The following LRP1B variants were observed in gnomAD, a reference collection of about 807,000 sequenced individuals.
LRP1B encodes LDL receptor related protein 1B.
A neutral mutation model predicts 556.6 loss-of-function variants in LRP1B; 217 were observed. That is an observed-to-expected ratio of 0.39 (90% CI 0.35 to 0.44). The LOEUF (loss-of-function observed/expected upper bound fraction) is 0.44, where lower values mean the gene tolerates loss of function less well. Among genes scored for constraint, LRP1B ranks in the 20% least tolerant of loss-of-function variants. LRP1B has a pLI of 1.00. For synonymous variants in LRP1B, 2,047 were observed against 1,865.8 expected (o/e 1.10, Z -2.50); for missense variants, 5,053 against 5,620.8 (o/e 0.90, Z 3.23).
intron 11 of LRP1B, 39 bp downstream of exon 11, chr2:141,048,947 C>T (rs1341474405): frequency 1.4e-6 from 2 of 1,452,588 alleles, no homozygotes; most frequent in Non-Finnish European, 1.9e-6. Flanking sequence ...AGTGCTTCAT[C>T]TCTGGGTAGT....
chr2:140,756,596 C>T (rs1688747878), intron 35 of LRP1B, among the ~76,000 whole-genome samples: 1 of 152,034 alleles, frequency 6.6e-6, no homozygotes, highest in African/African-American at 2.4e-5. Context: ...GTCTTTTATA[C>T]AAATGATACT....
intron 7 of LRP1B, among the ~76,000 whole-genome samples, chr2:141,140,544 T>C (rs1021196197): frequency 5.9e-5 from 9 of 152,006 alleles, no homozygotes; most frequent in African/African-American, 2.2e-4. Flanking sequence ...TCTAATACAA[T>C]AGAGCTGGTG....
At chr2:142,028,257 G>A (rs564711064) in intron 1 of LRP1B, among the ~76,000 whole-genome samples, 11 of 152,074 alleles carry the variant, frequency 7.2e-5, no homozygotes, top group Middle Eastern at 3.4e-3. Flanking sequence ...AATGCACAGA[G>A]TTGTGTTACT....
chr2:140,558,027 T>C (rs1286176694), intron 43 of LRP1B, among the ~76,000 whole-genome samples: 1 of 152,170 alleles, frequency 6.6e-6, no homozygotes. Context: ...AAGAATAAAG[T>C]GGTTAGTCAC....
At chr2:141,736,653 A>G (rs1693477679) in intron 2 of LRP1B, among the ~76,000 whole-genome samples, 1 of 152,156 alleles carries the variant, frequency 6.6e-6, no homozygotes, top group South Asian at 2.1e-4. Context: ...AGCAACGCAG[A>G]TGCCAACCTC....
chr2:141,545,520 G>C (rs888690637), intron 2 of LRP1B, among the ~76,000 whole-genome samples: 1 of 152,086 alleles, frequency 6.6e-6, no homozygotes, highest in Non-Finnish European at 1.5e-5. Context: ...GATTATCCAC[G>C]TGGGCCCAGT....
intron 41 of LRP1B, among the ~76,000 whole-genome samples, chr2:140,605,375 A>C (rs1213680570): frequency 6.6e-6 from 1 of 152,106 alleles, no homozygotes; most frequent in Non-Finnish European, 1.5e-5. Flanking sequence ...GGTCCAATTC[A>C]CTATCCAGAT....
chr2:140,683,706 A>G (rs2105382990), intron 41 of LRP1B: 2 of 732,212 alleles, frequency 2.7e-6, no homozygotes, highest in East Asian at 2.5e-5. Context: ...CTGGACTGTC[A>G]TTAGAGACAC....
intron 1 of LRP1B, among the ~76,000 whole-genome samples, chr2:142,049,998 A>C (rs1435035458): frequency 6.6e-6 from 1 of 152,144 alleles, no homozygotes; most frequent in Non-Finnish European, 1.5e-5. Context: ...TAAAGGTAAA[A>C]ACTTACATAG....
intron 1 of LRP1B, among the ~76,000 whole-genome samples, chr2:141,814,674 A>T (rs766497678): frequency 1.3e-5 from 2 of 152,226 alleles, no homozygotes; most frequent in Non-Finnish European, 2.9e-5. Flanking sequence ...CCATTTAAAA[A>T]ATATACTGAT....
At chr2:140,262,544 T>C (rs1004210028) in intron 86 of LRP1B, among the ~76,000 whole-genome samples, 7 of 152,202 alleles carry the variant, frequency 4.6e-5, no homozygotes, top group East Asian at 1.9e-4. Context: ...ATGTTTCTTC[T>C]TGTGGAATCA....
intron 43 of LRP1B, among the ~76,000 whole-genome samples, chr2:140,594,517 C>G (rs529310609): frequency 2.2e-4 from 34 of 152,244 alleles, no homozygotes; most frequent in African/African-American, 7.9e-4. Context: ...TTGGAAGACC[C>G]ACTTCATCAT....
At chr2:141,540,467 T>A (rs994110928) in intron 2 of LRP1B, among the ~76,000 whole-genome samples, 1 of 152,080 alleles carries the variant, frequency 6.6e-6, no homozygotes, top group African/African-American at 2.4e-5. Context: ...TTAGCCAATT[T>A]AAATTTTTGA....
intron 3 of LRP1B, among the ~76,000 whole-genome samples, chr2:141,366,582 G>A (rs1359815719): frequency 1.3e-5 from 2 of 152,008 alleles, no homozygotes; most frequent in African/African-American, 4.8e-5. Context: ...TAACTAAAAA[G>A]GCAAAAACAC....
intron 46 of LRP1B, among the ~76,000 whole-genome samples, chr2:140,535,913 G>A (rs992397284): frequency 6.6e-5 from 10 of 152,196 alleles, no homozygotes; most frequent in African/African-American, 2.4e-4. Context: ...ATGAGCCTTT[G>A]TACCAAAGGA....
chr2:140,421,467 G>A (rs546056898), intron 66 of LRP1B, among the ~76,000 whole-genome samples: 7 of 151,794 alleles, frequency 4.6e-5, no homozygotes, highest in Non-Finnish European at 1.0e-4. Context: ...TTTTCTTGCC[G>A]ACTCTAATTA....
intron 2 of LRP1B, among the ~76,000 whole-genome samples, chr2:141,600,103 G>A (rs190486056): frequency 5.3e-5 from 8 of 152,226 alleles, no homozygotes; most frequent in Non-Finnish European, 1.0e-4. Context: ...AAGTGAAAGC[G>A]AGTAGGTAGA....
chr2:141,672,163 G>A (rs756004576), intron 2 of LRP1B, among the ~76,000 whole-genome samples: 60 of 152,156 alleles, frequency 3.9e-4, no homozygotes, highest in African/African-American at 1.4e-3. Flanking sequence ...AATTTTCAAG[G>A]TTCCAAGTGT....
chr2:141,128,010 GA>G (rs1283536057), intron 7 of LRP1B, among the ~76,000 whole-genome samples: 1 of 152,102 alleles, frequency 6.6e-6, no homozygotes, highest in Non-Finnish European at 1.5e-5. Context: ...ATTTTTTAGA[GA>G]CATGTTTTTG....
Sources: gnomAD v4.1 joint callset for allele counts (sites outside exome capture counted in the v4.1 genomes callset) on GRCh38, gnomAD v4.1.1 for gene constraint, MANE v1.5 for transcripts, NCBI Gene and HGNC (gene_info 2026-07-23, HGNC 2026-07-21) for gene names.